ANHX: variants seen among roughly 807,000 people sequenced by gnomAD.
ANHX encodes the protein anomalous homeobox protein.
Under a neutral mutation model 38.9 loss-of-function variants are expected in ANHX, and 20 were observed. The ratio of observed to expected loss-of-function variants is 0.51; its 90% CI spans 0.36 to 0.75. The LOEUF (loss-of-function observed/expected upper bound fraction) is 0.75. ANHX is among the 30% of genes least tolerant of loss of function. The pLI, the probability that ANHX is intolerant of heterozygous loss-of-function variation, is 0.00. For missense variants in ANHX, 475 were observed against 493.1 expected (o/e 0.96, Z 0.35); for synonymous variants, 185 against 203.1 (o/e 0.91, Z 0.76).
In ANHX at chr12:133,221,226, G is replaced by A; in HGVS notation, c.1259C>T (p.Pro420Leu). The stretch of plus-strand genomic sequence containing the variant: ...TTACCTCTGGGTGAGGATGAATTCA[G>A]GAGCTTGCAGTGGGGGCTGTGTCAC... ...FLVTQPPLQA[P>L]EFILTQSPPE... The change falls in exon 8 of 10, where the codon CCT becomes CTT. Residue 420 changes from proline (P) to leucine (L), a missense_variant. Coordinates refer to ENST00000545940, the MANE Select transcript of ANHX (RefSeq NM_001372060.1). The surrounding 1 kb of genome is among the most constrained non-coding windows in gnomAD (Gnocchi z 4.1). The A allele has an allele frequency of 6.5e-7, 1 of 1,536,078 alleles. No homozygotes were observed.
At position 133,226,385 on chromosome 12, in the gene ANHX, A is replaced by G. The variant is rs942337345; in HGVS notation, c.772T>C (p.Trp258Arg). Residue 258 changes from tryptophan (W) to arginine (R), a missense_variant, in exon 6 of 10, where the codon TGG (tryptophan) becomes CGG (arginine). Physicochemically the swap from Trp to Arg is moderately radical, Grantham distance 101. Transcript: ENST00000545940. Reference sequence around the variant, plus strand: ...TCCGGGGCTAAGGCCAGTGGCTCCCATGGTCCTTGGGTGGTCTGTGGGGAC... The same window carrying G: ...TCCGGGGCTAAGGCCAGTGGCTCCCGTGGTCCTTGGGTGGTCTGTGGGGAC... ...PQSPQTTQGP[W>R]EPLALAPDFP... The G allele has an allele frequency of 6.5e-7, 1 of 1,536,206 alleles. No homozygotes were observed. Among genetic ancestry groups the G allele is most frequent in the Non-Finnish European group, 8.7e-7 (1 of 1,146,902 alleles).
In ANHX at chr12:133,221,299, G is replaced by T. The variant is rs752519244; in HGVS notation, c.1186C>A (p.Leu396Met). ...HPQSVQLEEG[L>M]GTSSGRTELR... is the part of the protein sequence containing the mutation. ...TCTGTCCGTCCACTGCTTGTGCCCA[G>T]ACCCTCCTCCAATTGCACGCTCTGG... The change falls in exon 8 of 10, where the codon CTG (leucine) becomes ATG (methionine). Residue 396 changes from leucine (L) to methionine (M), a missense_variant. Physicochemically the swap from Leu to Met is conservative, Grantham distance 15 (BLOSUM62 2). Transcript: ENST00000545940. This position sits in a 1 kb window ranked among gnomAD's most constrained non-coding sequence, Gnocchi z 4.1. 9.8e-6 allele frequency: 15 copies of T among 1,536,036 alleles called. No homozygotes were observed. The South Asian group carries it at 1.7e-4, about 17-fold the overall frequency.
rs770076790 is a variant in ANHX at position 133,234,183 on chromosome 12, G to C, written c.174C>G (p.Asn58Lys). The stretch of plus-strand genomic sequence containing the variant: ...GGGCGCACGCCAGGGCCACATCTGC[G>C]TTGTCCAGGAGATGCAGGCGGAGCT... ...DSQLRLHLLD[N>K]ADVALACARV... The change falls in exon 2 of 10, where the codon AAC becomes AAG. Residue 58 changes from asparagine to lysine, a missense_variant. Transcript: ENST00000545940. 6.5e-7 allele frequency: 1 copy of C among 1,536,168 alleles called. No individual in the cohort carries two copies. The highest frequency in any genetic ancestry group is 2.4e-5 in the East Asian group (1 of 40,926).
intron 2 of ANHX, among the ~76,000 whole-genome samples, chr12:133,233,426 G>A (rs181307898): frequency 9.2e-5 from 14 of 152,240 alleles, no homozygotes; most frequent in Non-Finnish European, 8.8e-5. Context: ...AGGAAAAATA[G>A]GCATTCAAAT....
At chr12:133,220,318 G>T (rs543812907) in intron 8 of ANHX, among the ~76,000 whole-genome samples, 2 of 152,192 alleles carry the variant, frequency 1.3e-5, no homozygotes, top group Non-Finnish European at 2.9e-5. Context: ...GCAAGAGAAG[G>T]GGTCGAGATG....
At chr12:133,231,427 A>G (rs1957273134) in intron 3 of ANHX, 90 bp downstream of exon 3, 3 of 1,496,470 alleles carry the variant, frequency 2.0e-6, no homozygotes, top group East Asian at 2.5e-5. Flanking sequence ...CCTCACCTCC[A>G]CTTTGCTTCA....
At chr12:133,222,065 C>G (rs558782242) in intron 7 of ANHX, among the ~76,000 whole-genome samples, 3 of 152,250 alleles carry the variant, frequency 2.0e-5, no homozygotes, top group South Asian at 4.1e-4. Flanking sequence ...GACCACCTAA[C>G]CTGGTGCCCA....
At chr12:133,225,031 T>C (rs1957171410) in intron 7 of ANHX, among the ~76,000 whole-genome samples, 1 of 151,854 alleles carries the variant, frequency 6.6e-6, no homozygotes. Context: ...TCCAGTTTCC[T>C]CCTTACAAAG....
intron 3 of ANHX, among the ~76,000 whole-genome samples, chr12:133,228,796 G>C (rs1404996477): frequency 1.3e-5 from 2 of 152,216 alleles, no homozygotes; most frequent in Non-Finnish European, 2.9e-5. Flanking sequence ...TCATTCTCAT[G>C]AGCTGCTAAG....
Position 133,219,378 on chromosome 12 carries a change from GAC to G in ANHX, c.1281-13_1281-12del, listed in dbSNP as rs1443842611. ...GCCAGCTCTGGAGGGCTGGAAAAGA[GAC>G]AGTGTAAGAATAGGCCCTATCTCAA... is the stretch of plus-strand genomic sequence containing the variant. On this transcript the variant is annotated splice_polypyrimidine_tract_variant and intron_variant, in intron 8 of 9. Coordinates refer to ENST00000545940, the MANE Select transcript of ANHX (RefSeq NM_001372060.1). The G allele has an allele frequency of 5.3e-6, 8 of 1,509,668 alleles. No homozygotes were observed. In the East Asian group the frequency reaches 1.5e-4, roughly 28 times the overall value. The allele number at this position is 1,509,668 out of a possible 1,614,324, so 93.5% of individuals were successfully genotyped here.
intron 9 of ANHX, 69 bp downstream of exon 9, chr12:133,219,214 C>T (rs1451604133): frequency 2.2e-6 from 3 of 1,376,740 alleles, no homozygotes; most frequent in Non-Finnish European, 3.0e-6. Context: ...GCTGAACCCT[C>T]CTCAGCACCA....
intron 7 of ANHX, among the ~76,000 whole-genome samples, chr12:133,224,562 C>G (rs1318982005): frequency 2.0e-5 from 3 of 149,580 alleles, no homozygotes. Context: ...ACTCGGGAGG[C>G]TGAGGCAGGA....
intron 4 of ANHX, 71 bp downstream of exon 4, chr12:133,227,753 G>C: frequency 6.6e-7 from 1 of 1,510,128 alleles, no homozygotes; most frequent in Non-Finnish European, 8.9e-7. Flanking sequence ...GCCTGGGGTG[G>C]GGGTACCCCT....
chr12:133,227,828 T>A lies in ANHX; in HGVS notation c.497A>T (p.Glu166Val). Residue 166 changes from glutamate to valine, a missense_variant, in exon 4 of 10, where the codon GAG becomes GTG. By Grantham distance (121) the Glu-to-Val change is moderately radical. Transcript: ENST00000545940. ...CTGGGTATCTTCTATTCTTACCCTC[T>A]CAGCCTTGCTGGGGTTGGTGTTCAC... Reference protein sequence around the residue: ...VGVNTNPSKAERENLALETSL... With the variant: ...VGVNTNPSKAVRENLALETSL... The A allele has an allele frequency of 6.5e-7, 1 of 1,534,836 alleles. No homozygotes were observed. The highest frequency in any genetic ancestry group is 8.7e-7 in the Non-Finnish European group (1 of 1,146,210).
rs535214119 is a variant in ANHX at position 133,231,611 on chromosome 12, C to T, written c.283G>A (p.Val95Met). The T allele has an allele frequency of 1.5e-4, 238 of 1,536,104 alleles. 1 individual carries two copies. In the Middle Eastern group the frequency reaches 2.0e-3, roughly 13 times the overall value. ...CQVPGGSQEL[V>M]QLWNDIHYRL... ...TAGTGGATGTCGTTCCAGAGCTGCA[C>T]TAACTCCTGGCTGCCTCCCGGCACC... The change falls in exon 3 of 10, where the codon GTG (valine) becomes ATG (methionine). Residue 95 changes from valine (V) to methionine (M), a missense_variant. By Grantham distance (21) the Val-to-Met change is conservative (BLOSUM62 1). Transcript: ENST00000545940.
At chr12:133,228,296 G>C (rs949528561) in intron 3 of ANHX, among the ~76,000 whole-genome samples, 1 of 151,984 alleles carries the variant, frequency 6.6e-6, no homozygotes, top group African/African-American at 2.4e-5. Context: ...AGCCTTCCTC[G>C]TACTCACACA....
At position 133,218,428 on chromosome 12, in the gene ANHX, G is replaced by T. The variant is rs556781160; in HGVS notation, c.*457C>A. 1 of 154,062 alleles carries T rather than the reference G, an allele frequency of 6.5e-6. No homozygotes were observed. The highest frequency in any genetic ancestry group is 1.4e-5 in the Non-Finnish European group (1 of 69,344). 9.5% of individuals were successfully genotyped at this position (154,062 alleles called of 1,614,324 possible). A position where few individuals can be genotyped will look rare whatever the true frequency, so the allele number is the denominator to read the frequency against. ...GCCCTGCCTAGGCCATTCGCAGACA[G>T]GTTTGCCTCCCAGTACTCAAGGGAG... On this transcript the variant is annotated 3_prime_UTR_variant, in exon 10 of 10. Transcript: ENST00000545940.
rs371736064 is a variant in ANHX at position 133,232,056 on chromosome 12, A to G, written c.250-412T>C. Reference sequence around the variant, plus strand: ...GTGACTCTCTTTTGGCCAACAGCAAAGGGGAGGTGGAGCAGTGGTTATAAC... The same window carrying G: ...GTGACTCTCTTTTGGCCAACAGCAAGGGGGAGGTGGAGCAGTGGTTATAAC... On this transcript the variant is annotated intron_variant, in intron 2 of 9. Transcript: ENST00000545940. Among the ~76,000 whole-genome samples the G allele has an allele frequency of 1.7e-3, 255 of 152,230 alleles. 1 individual carries two copies. The highest frequency in any genetic ancestry group is 5.8e-3 in the African/African-American group (243 of 41,546).
Position 133,231,785 on chromosome 12 carries a change from T to C in ANHX, c.250-141A>G. On this transcript the variant is annotated intron_variant, in intron 2 of 9. Coordinates refer to ENST00000545940, the MANE Select transcript of ANHX (RefSeq NM_001372060.1). Reference sequence around the variant, plus strand: ...AGGGTTCTGGGTTCAAATTCACTGATTTTACAAAGTGCCAGTGTGGCCACA... The same window carrying C: ...AGGGTTCTGGGTTCAAATTCACTGACTTTACAAAGTGCCAGTGTGGCCACA... 2.8e-6 allele frequency: 3 copies of C among 1,078,234 alleles called. No homozygotes were observed. In the South Asian group the frequency reaches 4.9e-5, roughly 17 times the overall value. 66.8% of individuals were successfully genotyped at this position (1,078,234 alleles called of 1,614,324 possible). A position where few individuals can be genotyped will look rare whatever the true frequency, so the allele number is the denominator to read the frequency against.
Sources: gnomAD v4.1 joint callset for allele counts (sites outside exome capture counted in the v4.1 genomes callset) on GRCh38, gnomAD v4.1.1 for gene constraint, Gnocchi (gnomAD v3.1) non-coding constraint, MANE v1.5 for transcripts, NCBI Gene and HGNC (gene_info 2026-07-23, HGNC 2026-07-21) for gene names.